KLHL1: variants seen among roughly 807,000 people sequenced by gnomAD.
The protein encoded by KLHL1 is kelch like family member 1.
Under a neutral mutation model 77.7 loss-of-function variants are expected in KLHL1, and 47 were observed. The observed-to-expected ratio is 0.60, with a 90% CI of 0.48 to 0.77. The LOEUF (loss-of-function observed/expected upper bound fraction) is 0.77, where lower values mean the gene tolerates loss of function less well. Ranked by LOEUF, KLHL1 falls within the 30% of genes least tolerant of loss-of-function variation. The probability of loss-of-function intolerance (pLI) is 0.00; values close to 1 mark genes in which losing one functional copy is unlikely to be tolerated. For missense variants in KLHL1, 925 were observed against 910.8 expected, an observed-to-expected ratio of 1.02 and a Z score of -0.20; for synonymous variants, 360 against 325.2, an observed-to-expected ratio of 1.11 and a Z score of -1.15.
chr13:69,984,938 G>A (rs952131899), intron 1 of KLHL1, among the ~76,000 whole-genome samples: 4 of 151,966 alleles, frequency 2.6e-5, no homozygotes, highest in Non-Finnish European at 5.9e-5. Context: ...GAGAAACCTG[G>A]TCTCTACTAA....
chr13:69,739,240 C>G (rs1466604341), intron 8 of KLHL1, among the ~76,000 whole-genome samples: 1 of 152,262 alleles, frequency 6.6e-6, no homozygotes, highest in Non-Finnish European at 1.5e-5. Context: ...TTTGCAAGAG[C>G]TCCTGAAGGA....
In KLHL1 at chr13:70,042,539, A is replaced by C. The variant is rs574575538; in HGVS notation, c.497+64664T>G. ...CCCAAAAGTAATTGCACAATGTATT[A>C]CCTACATGTTTTTGGTGATGCTGGT... On this transcript the variant is annotated intron_variant, in intron 1 of 10. Coordinates refer to ENST00000377844, the MANE Select transcript of KLHL1 (RefSeq NM_020866.3). 6.8e-4 allele frequency among the ~76,000 whole-genome samples: 104 copies of C among 152,252 alleles called. 1 individual carries two copies. The highest frequency in any genetic ancestry group is 2.5e-3 in the African/African-American group (103 of 41,546).
chr13:69,707,565 C>A, intron 10 of KLHL1, 60 bp downstream of exon 10: 1 of 1,510,380 alleles, frequency 6.6e-7, no homozygotes, highest in Non-Finnish European at 9.0e-7. Context: ...CCCTCCTCCA[C>A]AGAAAGTAAA....
chr13:69,864,162 G>T (rs1880279281), intron 5 of KLHL1, among the ~76,000 whole-genome samples: 1 of 151,906 alleles, frequency 6.6e-6, no homozygotes, highest in Non-Finnish European at 1.5e-5. Flanking sequence ...AAAGCAAGAA[G>T]TAGGATGACC....
At chr13:69,723,057 C>T (rs929674273) in intron 8 of KLHL1, among the ~76,000 whole-genome samples, 1 of 151,890 alleles carries the variant, frequency 6.6e-6, no homozygotes, top group African/African-American at 2.4e-5. Flanking sequence ...TTATATTAAG[C>T]AAAATAAGCC....
chr13:70,032,257 A>G (rs1252344655), intron 1 of KLHL1, among the ~76,000 whole-genome samples: 2 of 152,204 alleles, frequency 1.3e-5, no homozygotes, highest in African/African-American at 4.8e-5. Flanking sequence ...AATTGTTGTG[A>G]CAATGCGCAA....
At chr13:69,790,620 GAA>G (rs1295934036) in intron 7 of KLHL1, among the ~76,000 whole-genome samples, 1 of 152,074 alleles carries the variant, frequency 6.6e-6, no homozygotes, top group Non-Finnish European at 1.5e-5. Flanking sequence ...TAATGTATTT[GAA>G]AAAGACAATG....
intron 5 of KLHL1, among the ~76,000 whole-genome samples, chr13:69,860,591 A>G (rs1036597955): frequency 6.6e-6 from 1 of 151,916 alleles, no homozygotes; most frequent in Non-Finnish European, 1.5e-5. Flanking sequence ...CAAGTTATTC[A>G]GTTTCATTAG....
intron 1 of KLHL1, among the ~76,000 whole-genome samples, chr13:70,005,232 C>A (rs1885378570): frequency 6.6e-6 from 1 of 151,806 alleles, no homozygotes; most frequent in South Asian, 2.1e-4. Context: ...ATTCAGAAGA[C>A]TAAATTTTAA....
intron 3 of KLHL1, among the ~76,000 whole-genome samples, chr13:69,941,905 T>C (rs1449873351): frequency 3.3e-5 from 5 of 151,870 alleles, no homozygotes; most frequent in Admixed American, 3.3e-4. Context: ...CCCCCTAGAT[T>C]AAATCAGAAA....
At chr13:70,104,714 A>T (rs944664031) in intron 1 of KLHL1, among the ~76,000 whole-genome samples, 1 of 152,116 alleles carries the variant, frequency 6.6e-6, no homozygotes, top group African/African-American at 2.4e-5. Context: ...AGTGATAAAA[A>T]TTGTCATACA....
At chr13:69,997,113 C>T (rs923057665) in intron 1 of KLHL1, among the ~76,000 whole-genome samples, 5 of 151,076 alleles carry the variant, frequency 3.3e-5, no homozygotes, top group African/African-American at 1.2e-4. Context: ...TCCAGCTACT[C>T]TGGAGATTGA....
At position 70,086,674 on chromosome 13, in the gene KLHL1, A is replaced by C. The variant is rs141416113; in HGVS notation, c.497+20529T>G. 4.6e-3 allele frequency among the ~76,000 whole-genome samples: 697 copies of C among 150,666 alleles called. 10 individuals are homozygous for C. The highest frequency in any genetic ancestry group is 0.015 in the African/African-American group (616 of 41,224). Reference sequence around the variant, plus strand: ...AAGACTTATTTATTTTGTTTTCTAGATATTAATCACAGCTCATGATTGCCC... The same window carrying C: ...AAGACTTATTTATTTTGTTTTCTAGCTATTAATCACAGCTCATGATTGCCC... On this transcript the variant is annotated intron_variant, in intron 1 of 10. Coordinates refer to ENST00000377844, the MANE Select transcript of KLHL1 (RefSeq NM_020866.3).
intron 1 of KLHL1, among the ~76,000 whole-genome samples, chr13:70,034,769 G>T (rs2439686): frequency 0.64 from 96,880 of 151,992 alleles, 31,755 homozygotes; most frequent in East Asian, 0.8. Flanking sequence ...TATATCTAGA[G>T]TTCTTAAACA....
At chr13:69,782,066 A>T (rs1876244492) in intron 7 of KLHL1, among the ~76,000 whole-genome samples, 1 of 152,150 alleles carries the variant, frequency 6.6e-6, no homozygotes, top group Non-Finnish European at 1.5e-5. Flanking sequence ...TTAAGGGTGA[A>T]TATCTTATGG....
rs185568990 is a variant in KLHL1 at position 69,846,617 on chromosome 13, A to T, written c.1228-7455T>A. On this transcript the variant is annotated intron_variant, in intron 5 of 10. Transcript: ENST00000377844. ...ACAAGTTCATTTTGGTTAGAAAAAAATATATATATGAATAAATACATTTGT... is the reference window on the plus strand; with the variant it reads ...ACAAGTTCATTTTGGTTAGAAAAAATTATATATATGAATAAATACATTTGT... 7.9e-4 allele frequency among the ~76,000 whole-genome samples: 119 copies of T among 151,558 alleles called. 2 individuals are homozygous for T. Among genetic ancestry groups the T allele is most frequent in the African/African-American group, 2.8e-3 (117 of 41,462 alleles).
At chr13:69,820,734 C>T (rs1200761540) in intron 6 of KLHL1, among the ~76,000 whole-genome samples, 2 of 152,128 alleles carry the variant, frequency 1.3e-5, no homozygotes, top group Non-Finnish European at 2.9e-5. Context: ...TCAAAGAATG[C>T]TGTTAGGTAG....
intron 1 of KLHL1, among the ~76,000 whole-genome samples, chr13:70,039,393 A>G (rs1413208939): frequency 4.0e-5 from 6 of 151,612 alleles, no homozygotes; most frequent in African/African-American, 1.5e-4. Flanking sequence ...CTCTTTTATC[A>G]TTTTCTAATT....
intron 6 of KLHL1, among the ~76,000 whole-genome samples, chr13:69,834,933 G>A (rs1273515416): frequency 6.6e-6 from 1 of 152,074 alleles, no homozygotes; most frequent in Non-Finnish European, 1.5e-5. Context: ...TGTAATTAGA[G>A]ATGTTCTAAT....
Sources: gnomAD v4.1 joint callset for allele counts (sites outside exome capture counted in the v4.1 genomes callset) on GRCh38, gnomAD v4.1.1 for gene constraint, MANE v1.5 for transcripts, NCBI Gene and HGNC (gene_info 2026-07-23, HGNC 2026-07-21) for gene names.